FRMD5: variants seen among roughly 807,000 people sequenced by gnomAD.
FRMD5 encodes the protein FERM domain containing 5, also known as FERM domain-containing protein 5.
In FRMD5, 20 loss-of-function variants were observed where a neutral mutation model predicts 69.0. The ratio of observed to expected loss-of-function variants is 0.29; its 90% CI spans 0.20 to 0.42. The LOEUF is 0.42. Among genes scored for constraint, FRMD5 ranks in the 10% least tolerant of loss-of-function variants. The probability of loss-of-function intolerance (pLI) is 1.00; values close to 1 mark genes in which losing one functional copy is unlikely to be tolerated. For missense variants in FRMD5, 595 were observed against 708.6 expected, an observed-to-expected ratio of 0.84 and a Z score of 1.82; for synonymous variants, 271 against 260.1, an observed-to-expected ratio of 1.04 and a Z score of -0.40.
intron 7 of FRMD5, among the ~76,000 whole-genome samples, chr15:43,898,353 TC>T (rs2088965038): frequency 6.6e-6 from 1 of 152,208 alleles, no homozygotes; most frequent in African/African-American, 2.4e-5. Flanking sequence ...TCATATCCCT[TC>T]TTGTCTGCAT....
At chr15:43,897,917 C>T (rs952761065) in intron 7 of FRMD5, among the ~76,000 whole-genome samples, 1 of 151,610 alleles carries the variant, frequency 6.6e-6, no homozygotes, top group Non-Finnish European at 1.5e-5. Context: ...CATCTCCCCC[C>T]TCATTCTCTC....
At chr15:43,949,185 G>A (rs1420416267) in intron 1 of FRMD5, among the ~76,000 whole-genome samples, 1 of 152,216 alleles carries the variant, frequency 6.6e-6, no homozygotes, top group South Asian at 2.1e-4. Context: ...GGCCTGTGTG[G>A]ATGACTGGGA....
chr15:44,193,765 T>A (rs1346704666), intron 1 of FRMD5, among the ~76,000 whole-genome samples: 1 of 152,192 alleles, frequency 6.6e-6, no homozygotes, highest in Non-Finnish European at 1.5e-5. Context: ...TCTCATACAC[T>A]ACCCAGTGTC....
At chr15:44,110,065 T>C (rs1183646558) in intron 1 of FRMD5, among the ~76,000 whole-genome samples, 6 of 152,232 alleles carry the variant, frequency 3.9e-5, no homozygotes, top group African/African-American at 1.4e-4. Context: ...AAATTTTTTG[T>C]ATGTAATTTT....
At chr15:44,147,872 C>T (rs1298310229) in intron 1 of FRMD5, among the ~76,000 whole-genome samples, 1 of 152,206 alleles carries the variant, frequency 6.6e-6, no homozygotes, top group Non-Finnish European at 1.5e-5. Context: ...TGTGCACCTA[C>T]TCCTGGAGCT....
chr15:43,946,536 T>C (rs2089950252), intron 1 of FRMD5, among the ~76,000 whole-genome samples: 1 of 152,200 alleles, frequency 6.6e-6, no homozygotes, highest in African/African-American at 2.4e-5. Context: ...ACACACAGCC[T>C]CTGGGGTATC....
At chr15:44,181,912 C>T (rs2140567406) in intron 1 of FRMD5, among the ~76,000 whole-genome samples, 1 of 151,840 alleles carries the variant, frequency 6.6e-6, no homozygotes, top group East Asian at 1.9e-4. Context: ...CAAAACAAAA[C>T]AAAACAAATA....
chr15:43,910,888 G>A (rs2089276205), intron 4 of FRMD5, among the ~76,000 whole-genome samples: 1 of 152,154 alleles, frequency 6.6e-6, no homozygotes, highest in African/African-American at 2.4e-5. Flanking sequence ...TCTCATGGAC[G>A]TACAACTAAG....
At chr15:44,023,074 TG>T (rs1267303436) in intron 1 of FRMD5, among the ~76,000 whole-genome samples, 1 of 152,144 alleles carries the variant, frequency 6.6e-6, no homozygotes, top group Non-Finnish European at 1.5e-5. Flanking sequence ...CTGTTAGATA[TG>T]TATTTATGCA....
intron 1 of FRMD5, among the ~76,000 whole-genome samples, chr15:43,964,077 C>T (rs1193272821): frequency 6.6e-6 from 1 of 151,592 alleles, no homozygotes; most frequent in Non-Finnish European, 1.5e-5. Context: ...AAAAGAATAT[C>T]ACTAGAAAAT....
At chr15:44,031,885 G>C (rs757239110) in intron 1 of FRMD5, among the ~76,000 whole-genome samples, 1 of 152,034 alleles carries the variant, frequency 6.6e-6, no homozygotes, top group Non-Finnish European at 1.5e-5. Context: ...ATAGATTATA[G>C]ATGCAAATCT....
chr15:43,927,378 C>T (rs1029224091), intron 1 of FRMD5, among the ~76,000 whole-genome samples: 1 of 152,130 alleles, frequency 6.6e-6, no homozygotes, highest in Non-Finnish European at 1.5e-5. Context: ...TGGTCCCCTA[C>T]AGGAAAGAGT....
chr15:43,886,429 ATC>A (rs1452402941), intron 10 of FRMD5, among the ~76,000 whole-genome samples: 2 of 152,256 alleles, frequency 1.3e-5, no homozygotes, highest in East Asian at 3.9e-4. Context: ...TCTATTTTAT[ATC>A]TCGTTTGAAG....
intron 1 of FRMD5, among the ~76,000 whole-genome samples, chr15:44,183,135 C>A (rs1318228454): frequency 1.3e-5 from 2 of 152,028 alleles, no homozygotes; most frequent in Non-Finnish European, 2.9e-5. Flanking sequence ...GCTATAAGTC[C>A]CCCAAGGCAC....
Position 43,966,334 on chromosome 15 carries a change from G to A in FRMD5, c.103-42025C>T, listed in dbSNP as rs184256767. ...TTGCAGTGAGAGGAGATCTCATGCC[G>A]TTGCAGTCCAGCCTGGGAGACAGAG... On this transcript the variant is annotated intron_variant, in intron 1 of 13. Transcript: ENST00000417257. 2.4e-4 allele frequency among the ~76,000 whole-genome samples: 37 copies of A among 152,194 alleles called. 1 individual carries two copies. Among genetic ancestry groups the A allele is most frequent in the Admixed American group, 1.2e-3 (18 of 15,286 alleles).
chr15:44,029,527 G>C (rs748838195), intron 1 of FRMD5, among the ~76,000 whole-genome samples: 1 of 152,190 alleles, frequency 6.6e-6, no homozygotes, highest in Non-Finnish European at 1.5e-5. Context: ...GCTAGGATTA[G>C]TAAACAGAAC....
In FRMD5 at chr15:43,919,700, T is replaced by C. The variant is rs2089459185; in HGVS notation, c.250+67A>G. On this transcript the variant is annotated intron_variant, in intron 3 of 13. Transcript: ENST00000417257. ...TATATATGTAGATCAAAACTTGAGA[T>C]AAGTGGGAGGTTTCGTCCCACCCTC... 5 of 1,513,800 alleles carry C rather than the reference T, an allele frequency of 3.3e-6. No individual in the cohort carries two copies. The South Asian group carries it at 4.5e-5, about 14-fold the overall frequency. 93.8% of individuals were successfully genotyped at this position (1,513,800 alleles called of 1,614,324 possible). A position where few individuals can be genotyped will look rare whatever the true frequency, so the allele number is the denominator to read the frequency against.
chr15:43,919,908 G>C (rs2089463643), intron 2 of FRMD5, 99 bp from the exon 3 acceptor site: 1 of 1,101,506 alleles, frequency 9.1e-7, no homozygotes, highest in Admixed American at 1.8e-5. Flanking sequence ...TTGTAGCCTA[G>C]GGTGAAAGCA....
intron 1 of FRMD5, among the ~76,000 whole-genome samples, chr15:44,104,236 T>C (rs567873881): frequency 2.6e-5 from 4 of 152,234 alleles, no homozygotes; most frequent in Admixed American, 6.5e-5. Context: ...TTTTTAAATG[T>C]TTTTGTACAA....
Sources: allele counts gnomAD v4.1 joint callset (sites outside exome capture counted in the v4.1 genomes callset), GRCh38; gene constraint gnomAD v4.1.1; transcripts MANE v1.5; gene names NCBI Gene and HGNC (gene_info 2026-07-23, HGNC 2026-07-21).